Variants in TARS1 observed in about 807,000 individuals in gnomAD.
TARS1 encodes the protein threonine--tRNA ligase 1, cytoplasmic.
TARS1 carries 57 observed loss-of-function variants against 97.7 expected under a neutral mutation model. That is an observed-to-expected ratio of 0.58 (90% CI 0.47 to 0.73). The LOEUF is 0.73. Among genes scored for constraint, TARS1 ranks in the 30% least tolerant of loss-of-function variants. The pLI is 0.00. For synonymous variants in TARS1, 312 were observed against 293.7 expected, an observed-to-expected ratio of 1.06 and a Z score of -0.64; for missense variants, 806 against 888.3, an observed-to-expected ratio of 0.91 and a Z score of 1.18.
At chr5:33,452,771 CT>C (rs200400832) in intron 3 of TARS1, among the ~76,000 whole-genome samples, 4,103 of 99,610 alleles carry the variant, frequency 0.041, 129 homozygotes, top group African/African-American at 0.14. Flanking sequence ...TTTAGTAGGC[CT>C]TTTTTTTTTC....
chr5:33,465,902 T>A (rs1237700023), intron 17 of TARS1: 1 of 152,200 alleles, frequency 6.6e-6, no homozygotes, highest in Admixed American at 6.5e-5. Flanking sequence ...CTCATGATAC[T>A]TAAGTAGAGT....
At chr5:33,461,501 A>G (rs1455593821) in intron 13 of TARS1, among the ~76,000 whole-genome samples, 166 bp from the exon 14 acceptor site, 1 of 152,216 alleles carries the variant, frequency 6.6e-6, no homozygotes, top group Non-Finnish European at 1.5e-5. Context: ...TTATCAAGCT[A>G]TAAGCTTTAA....
intron 1 of TARS1, among the ~76,000 whole-genome samples, chr5:33,444,437 A>G (rs1741308507): frequency 6.6e-6 from 1 of 152,258 alleles, no homozygotes; most frequent in African/African-American, 2.4e-5. Flanking sequence ...TAAGAAAACT[A>G]AAGGTCACAA....
intron 10 of TARS1, among the ~76,000 whole-genome samples, chr5:33,459,012 A>T (rs1554013100): frequency 6.6e-6 from 1 of 152,206 alleles, no homozygotes; most frequent in Non-Finnish European, 1.5e-5. Context: ...AGAGAATAGT[A>T]TATCCAATAT....
Position 33,460,830 on chromosome 5 carries a change from G to A in TARS1, c.1251-72G>A, listed in dbSNP as rs79826178. 6.8e-3 allele frequency: 10,618 copies of A among 1,554,384 alleles called. 628 individuals carry two copies. In the African/African-American group the frequency reaches 0.13, roughly 19 times the overall value. On this transcript the variant is annotated intron_variant, in intron 11 of 18. Transcript: ENST00000265112. ...ATCAGTGGCTTTTTGACAACCTTTC[G>A]TGTAATTAAATATAGCATTACAGAA... is the stretch of plus-strand genomic sequence containing the variant.
Position 33,446,856 on chromosome 5 carries a change from G to T in TARS1, c.138+1452G>T, listed in dbSNP as rs181711419. ...TCAGATTATGGTTGTAGAATGACAG[G>T]CTCTGTCTGAGCTTTTAGTTAATTC... On this transcript the variant is annotated intron_variant, in intron 2 of 18. Transcript: ENST00000265112. 21 of 762,402 alleles carry T rather than the reference G, an allele frequency of 2.8e-5. No homozygotes were observed. In the East Asian group the frequency reaches 1.4e-3, roughly 51 times the overall value. 47.2% of individuals were successfully genotyped at this position (762,402 alleles called of 1,614,324 possible). A position where few individuals can be genotyped will look rare whatever the true frequency, so the allele number is the denominator to read the frequency against.
In TARS1 at chr5:33,442,320, CTTTTTT is replaced by C. The variant is rs763508345; in HGVS notation, c.57+1194_57+1199del. The stretch of plus-strand genomic sequence containing the variant: ...AAATGATATTTTTACTGTTTTGTAA[CTTTTTT>C]TTTTTTTTTTTTTTTTGCTTAATAG... On this transcript the variant is annotated intron_variant, in intron 1 of 18. Transcript: ENST00000265112. Among the ~76,000 whole-genome samples, 190 of 104,608 alleles carry C rather than the reference CTTTTTT, an allele frequency of 1.8e-3. 1 individual carries two copies. Among genetic ancestry groups the C allele is most frequent in the African/African-American group, 6.1e-3 (171 of 27,964 alleles). 68.6% of individuals were successfully genotyped at this position (104,608 alleles called of 152,430 possible). A position where few individuals can be genotyped will look rare whatever the true frequency, so the allele number is the denominator to read the frequency against.
At position 33,459,698 on chromosome 5, in the gene TARS1, G is replaced by T. The variant is rs778902657; in HGVS notation, c.1087G>T (p.Glu363Ter). Residue 363 changes from glutamate to a stop codon, truncating the protein, a stop_gained, in exon 11 of 19, where the codon GAA (glutamate) becomes TAA (stop). Coordinates refer to ENST00000265112, the MANE Select transcript of TARS1 (RefSeq NM_152295.5). LOFTEE classifies it high-confidence loss of function. Reference sequence around the variant, plus strand: ...GTTTCTGTTTATTTTCTATCAGAGCGAATATAGGAAAAGAGGATTCCAGGA... The same window carrying T: ...GTTTCTGTTTATTTTCTATCAGAGCTAATATAGGAAAAGAGGATTCCAGGA... ...YNALIEFIRS[E>*]YRKRGFQEVV... 1 of 1,613,966 alleles carries T rather than the reference G, an allele frequency of 6.2e-7. No individual in the cohort carries two copies. Among genetic ancestry groups the T allele is most frequent in the Non-Finnish European group, 8.5e-7 (1 of 1,179,936 alleles).
intron 3 of TARS1, among the ~76,000 whole-genome samples, chr5:33,450,966 T>C (rs1741703256): frequency 1.3e-5 from 2 of 152,044 alleles, no homozygotes; most frequent in Admixed American, 1.3e-4. Flanking sequence ...AATACAAAAA[T>C]TAGCCAGTCA....
At chr5:33,443,333 CT>C (rs1741228202) in intron 1 of TARS1, among the ~76,000 whole-genome samples, 2 of 120,566 alleles carry the variant, frequency 1.7e-5, no homozygotes, top group African/African-American at 6.7e-5. Flanking sequence ...CTCTCTCTCT[CT>C]CTCTCTCTCT....
intron 18 of TARS1, 126 bp from the exon 19 acceptor site, chr5:33,467,434 C>G (rs1212621553): frequency 1.1e-5 from 11 of 1,035,672 alleles, no homozygotes; most frequent in Non-Finnish European, 1.4e-5. Context: ...GTCACTTGTA[C>G]CTTTTAATGT....
At chr5:33,443,251 T>C (rs1282273497) in intron 1 of TARS1, among the ~76,000 whole-genome samples, 2 of 151,788 alleles carry the variant, frequency 1.3e-5, no homozygotes, top group African/African-American at 4.8e-5. Flanking sequence ...TGAGCCAGTG[T>C]TCTTGTTTGT....
At chr5:33,466,210 A>C (rs983521265) in intron 17 of TARS1, 1 of 152,240 alleles carries the variant, frequency 6.6e-6, no homozygotes, top group Non-Finnish European at 1.5e-5. Flanking sequence ...TGGCCACTGT[A>C]AGGAAACAGT....
At chr5:33,467,421 A>G (rs1193028158) in intron 18 of TARS1, 139 bp from the exon 19 acceptor site, 12 of 888,880 alleles carry the variant, frequency 1.4e-5, no homozygotes, top group Admixed American at 1.1e-4. Flanking sequence ...ATATCAACAC[A>G]TGGTCACTTG....
intron 1 of TARS1, among the ~76,000 whole-genome samples, chr5:33,444,672 AT>A (rs1380016671): frequency 6.6e-6 from 1 of 152,194 alleles, no homozygotes; most frequent in African/African-American, 2.4e-5. Flanking sequence ...AAATTTTAAC[AT>A]TTCTGACAAC....
chr5:33,453,320 A>G lies in TARS1; in HGVS notation c.361A>G (p.Lys121Glu), dbSNP rs771003139. 1.2e-6 allele frequency: 2 copies of G among 1,606,650 alleles called. No homozygotes were observed. Among genetic ancestry groups the G allele is most frequent in the Non-Finnish European group, 8.5e-7 (1 of 1,177,724 alleles). Reference protein sequence around the residue: ...QGLADNTVIAKVNNVVWDLDR... With the variant: ...QGLADNTVIAEVNNVVWDLDR... ...CCTGGCCGACAACACCGTTATTGCTAAAGTAAATAATGTTGTGTGGGACCT... is the reference window on the plus strand; with the variant it reads ...CCTGGCCGACAACACCGTTATTGCTGAAGTAAATAATGTTGTGTGGGACCT... Residue 121 changes from lysine to glutamate, a missense_variant, in exon 4 of 19, where the codon AAA (lysine) becomes GAA (glutamate). Lys to Glu is a moderately conservative substitution (Grantham distance 56, BLOSUM62 1). This residue lies in a region of TARS1 where 356 missense variants were observed against 357.8 expected (regional missense o/e 0.99). Coordinates refer to ENST00000265112, the MANE Select transcript of TARS1 (RefSeq NM_152295.5).
At chr5:33,441,350 C>T in intron 1 of TARS1, 1 of 593,608 alleles carries the variant, frequency 1.7e-6, no homozygotes, top group Non-Finnish European at 3.0e-6. Context: ...TGCAGTTCAT[C>T]TGTGGGTCCA....
intron 3 of TARS1, among the ~76,000 whole-genome samples, chr5:33,449,325 ATACGCGTATATATACACGTG>A (rs1427970796): frequency 2.1e-5 from 3 of 141,076 alleles, no homozygotes; most frequent in African/African-American, 8.5e-5. Flanking sequence ...GTGTATATAT[ATACGCGTATATATACACGTG>A]TATATATATA....
chr5:33,455,626 G>A lies in TARS1; in HGVS notation c.615G>A (p.Leu205=), dbSNP rs1349976114. The A allele has an allele frequency of 1.2e-6, 2 of 1,612,950 alleles. No individual in the cohort carries two copies. The highest frequency in any genetic ancestry group is 3.3e-4 in the Middle Eastern group (2 of 6,054). ...SSNDFSSLEA[L]CKKIIKEKQA... is the part of the protein sequence containing the mutation. ...ATGATTTCTCTTCTCTGGAGGCTTTGTGTAAGAAAATCATTAAAGAAAAAC... is the reference window on the plus strand; with the variant it reads ...ATGATTTCTCTTCTCTGGAGGCTTTATGTAAGAAAATCATTAAAGAAAAAC... The change falls in exon 6 of 19, where the codon TTG becomes TTA. Residue 205 remains leucine, a synonymous_variant. Coordinates refer to ENST00000265112, the MANE Select transcript of TARS1 (RefSeq NM_152295.5).
Sources: gnomAD v4.1 joint callset for allele counts (sites outside exome capture counted in the v4.1 genomes callset) on GRCh38, gnomAD v4.1.1 for gene constraint, gnomAD v4.1.1 regional missense constraint, MANE v1.5 for transcripts, NCBI Gene and HGNC (gene_info 2026-07-23, HGNC 2026-07-21) for gene names.